The following CEP128 variants were observed in gnomAD, a reference collection of about 807,000 sequenced individuals.
CEP128 encodes centrosomal protein 128, also known as centrosomal protein 128kDa.
CEP128 carries 132 observed loss-of-function variants against 156.7 expected under a neutral mutation model. The observed-to-expected ratio is 0.84, with a 90% CI of 0.73 to 0.97. The LOEUF (loss-of-function observed/expected upper bound fraction) is 0.97, where lower values mean the gene tolerates loss of function less well. Among genes scored for constraint, CEP128 ranks in the 50% least tolerant of loss-of-function variants. The pLI, the probability that CEP128 is intolerant of heterozygous loss-of-function variation, is 0.00. For synonymous variants in CEP128, 469 were observed against 448.9 expected (o/e 1.04, Z -0.57); for missense variants, 1,252 against 1,281.9 (o/e 0.98, Z 0.36).
intron 20 of CEP128, among the ~76,000 whole-genome samples, chr14:80,569,281 A>G (rs1891042387): frequency 6.6e-6 from 1 of 152,252 alleles, no homozygotes; most frequent in Non-Finnish European, 1.5e-5. Context: ...GGACATTATT[A>G]CTTTAAATCT....
At chr14:80,624,376 G>C (rs2140679220) in intron 19 of CEP128, among the ~76,000 whole-genome samples, 1 of 152,224 alleles carries the variant, frequency 6.6e-6, no homozygotes, top group East Asian at 1.9e-4. Context: ...GAATAGAGCT[G>C]AAATAAACAT....
At chr14:80,630,715 C>T (rs1893925115) in intron 19 of CEP128, among the ~76,000 whole-genome samples, 1 of 151,962 alleles carries the variant, frequency 6.6e-6, no homozygotes, top group Admixed American at 6.6e-5. Flanking sequence ...AGGGCAGAAC[C>T]TCTGCAAGTT....
intron 20 of CEP128, among the ~76,000 whole-genome samples, chr14:80,571,850 T>C (rs1891152108): frequency 6.6e-6 from 1 of 152,092 alleles, no homozygotes; most frequent in Non-Finnish European, 1.5e-5. Context: ...TGCTCTTAAG[T>C]ATAGTAGTAT....
At chr14:80,900,597 T>G (rs1266002940) in intron 6 of CEP128, among the ~76,000 whole-genome samples, 2 of 152,212 alleles carry the variant, frequency 1.3e-5, no homozygotes, top group Non-Finnish European at 2.9e-5. Flanking sequence ...TGGTACAGCA[T>G]TATTCACAAT....
intron 19 of CEP128, among the ~76,000 whole-genome samples, chr14:80,601,906 C>A (rs1406381767): frequency 6.6e-6 from 1 of 152,062 alleles, no homozygotes; most frequent in Non-Finnish European, 1.5e-5. Flanking sequence ...AATATAAACT[C>A]TCCAGTTAAA....
chr14:80,955,786 G>C lies in CEP128; in HGVS notation c.-172+2392C>G, dbSNP rs61747482. The C allele has an allele frequency of 7.0e-3, 11,249 of 1,614,204 alleles. 47 individuals carry two copies. The highest frequency in any genetic ancestry group is 8.7e-3 in the Non-Finnish European group (10,235 of 1,180,040). ...ACCCTGCGAGTGCCATCAGGAGGAG[G>C]ACTTCAGAGTCACCTGCAAGGATAT... On this transcript the variant is annotated intron_variant, in intron 2 of 7. Transcript: ENST00000555529.
At chr14:80,823,461 G>A (rs769527196) in intron 13 of CEP128, among the ~76,000 whole-genome samples, 11 of 152,154 alleles carry the variant, frequency 7.2e-5, no homozygotes, top group Admixed American at 6.5e-4. Flanking sequence ...GTTTTACAGT[G>A]GCTTTCTGAT....
intron 9 of CEP128, among the ~76,000 whole-genome samples, chr14:80,848,700 GA>G (rs1460808103): frequency 6.6e-6 from 1 of 150,912 alleles, no homozygotes; most frequent in Non-Finnish European, 1.5e-5. Flanking sequence ...AGGAAAGAAA[GA>G]AAGAAAATTA....
At chr14:80,628,673 G>A (rs1458924348) in intron 19 of CEP128, among the ~76,000 whole-genome samples, 3 of 152,090 alleles carry the variant, frequency 2.0e-5, no homozygotes, top group Non-Finnish European at 2.9e-5. Flanking sequence ...CTGAAACCTG[G>A]TCAATGAGAG....
chr14:80,908,156 G>A (rs1883997963), intron 4 of CEP128, among the ~76,000 whole-genome samples: 1 of 151,626 alleles, frequency 6.6e-6, no homozygotes, highest in Non-Finnish European at 1.5e-5. Flanking sequence ...GTATCATTAT[G>A]TACAGTTTTA....
chr14:80,821,525 C>G (rs1434584903), intron 13 of CEP128, among the ~76,000 whole-genome samples: 1 of 150,456 alleles, frequency 6.6e-6, no homozygotes, highest in African/African-American at 2.4e-5. Flanking sequence ...TTCAATAGAT[C>G]CATAGATAAT....
intron 13 of CEP128, among the ~76,000 whole-genome samples, chr14:80,829,689 T>C (rs948535514): frequency 1.3e-5 from 2 of 152,222 alleles, no homozygotes; most frequent in Non-Finnish European, 2.9e-5. Context: ...CAATAATATT[T>C]GCTGTGTTGT....
At chr14:80,491,519 C>G (rs1310961281), downstream of CEP128, among the ~76,000 whole-genome samples, 1 of 152,186 alleles carries the variant, frequency 6.6e-6, no homozygotes, top group Non-Finnish European at 1.5e-5. Context: ...CTTCTGGTAA[C>G]TAACAGCTTG....
At chr14:80,528,799 T>C (rs936862981) in intron 22 of CEP128, among the ~76,000 whole-genome samples, 2 of 152,304 alleles carry the variant, frequency 1.3e-5, no homozygotes, top group Admixed American at 6.5e-5. Flanking sequence ...TTTTGTCTGG[T>C]GCATGACTTT....
intron 2 of CEP128, among the ~76,000 whole-genome samples, chr14:80,948,130 T>G (rs1886385828): frequency 6.6e-6 from 1 of 152,174 alleles, no homozygotes; most frequent in South Asian, 2.1e-4. Context: ...CTACTCAAAA[T>G]TCTCTCTCAA....
At chr14:80,490,315 A>C (rs8021020), downstream of CEP128, among the ~76,000 whole-genome samples, 73,098 of 151,852 alleles carry the variant, frequency 0.48, 18,650 homozygotes, top group East Asian at 0.69. Context: ...ATGTCAAAAT[A>C]TGGAAATGTT....
chr14:80,678,047 A>ATATATATATATATATATATATATGTGTAT (rs1555390193), intron 19 of CEP128, among the ~76,000 whole-genome samples: 1 of 68,520 alleles, frequency 1.5e-5, no homozygotes, highest in African/African-American at 5.8e-5. Context: ...CTATAAAAAA[A>ATATATATATATATATATATATATGTGTAT]AAATATATAT....
At chr14:80,843,298 C>G (rs1886432572) in intron 9 of CEP128, among the ~76,000 whole-genome samples, 1 of 151,900 alleles carries the variant, frequency 6.6e-6, no homozygotes. Flanking sequence ...ATGTTAATTC[C>G]CACACAGTCC....
chr14:80,959,420 A>G (rs1886901923), intron 1 of CEP128: 1 of 152,192 alleles, frequency 6.6e-6, no homozygotes, highest in Admixed American at 6.5e-5. Context: ...TTGACCCATC[A>G]CCCTCTCTTA....
Sources: gnomAD v4.1 joint callset for allele counts (sites outside exome capture counted in the v4.1 genomes callset) on GRCh38, gnomAD v4.1.1 for gene constraint, MANE v1.5 for transcripts, NCBI Gene and HGNC (gene_info 2026-07-23, HGNC 2026-07-21) for gene names.